CMTM7: variants seen among roughly 807,000 people sequenced by gnomAD.
CMTM7 encodes the protein CKLF-like MARVEL transmembrane domain-containing protein 7.
CMTM7 carries 7 observed loss-of-function variants against 19.3 expected under a neutral mutation model. The ratio of observed to expected loss-of-function variants is 0.36; its 90% CI spans 0.21 to 0.68. The LOEUF (loss-of-function observed/expected upper bound fraction) is 0.68. Ranked by LOEUF, CMTM7 falls within the 30% of genes least tolerant of loss-of-function variation. CMTM7 has a pLI of 0.60. For missense variants in CMTM7, 193 were observed against 232.6 expected, an observed-to-expected ratio of 0.83 and a Z score of 1.11; for synonymous variants, 87 against 99.3, an observed-to-expected ratio of 0.88 and a Z score of 0.74.
At chr3:32,412,132 C>T (rs544179930) in intron 1 of CMTM7, among the ~76,000 whole-genome samples, 3 of 152,234 alleles carry the variant, frequency 2.0e-5, no homozygotes, top group Admixed American at 1.3e-4. Flanking sequence ...CTAACTGTCT[C>T]GTAGAAGCTG....
intron 1 of CMTM7, among the ~76,000 whole-genome samples, chr3:32,393,892 C>T (rs547886259): frequency 2.4e-4 from 36 of 152,204 alleles, no homozygotes; most frequent in African/African-American, 8.2e-4. Context: ...TCATCTTAAG[C>T]TCCTCAGCTA....
At chr3:32,451,042 G>A (rs1395059835) in intron 3 of CMTM7, 1 of 152,192 alleles carries the variant, frequency 6.6e-6, no homozygotes, top group Non-Finnish European at 1.5e-5. Context: ...GTTCAATTAT[G>A]CAGTGCAGAC....
intron 1 of CMTM7, among the ~76,000 whole-genome samples, chr3:32,413,178 G>A (rs935695937): frequency 1.3e-5 from 2 of 152,154 alleles, no homozygotes; most frequent in Non-Finnish European, 2.9e-5. Context: ...TGTGTGGCCC[G>A]CAAAGCCTAA....
chr3:32,395,608 C>G (rs1695904264), intron 1 of CMTM7, among the ~76,000 whole-genome samples: 1 of 152,124 alleles, frequency 6.6e-6, no homozygotes, highest in Non-Finnish European at 1.5e-5. Flanking sequence ...ACTTCACACC[C>G]ACGGAGATGA....
chr3:32,437,266 T>A (rs574797129), intron 1 of CMTM7, among the ~76,000 whole-genome samples: 1 of 152,266 alleles, frequency 6.6e-6, no homozygotes, highest in South Asian at 2.1e-4. Flanking sequence ...GTGGGACCCT[T>A]GCTTTGAGTT....
intron 1 of CMTM7, among the ~76,000 whole-genome samples, chr3:32,414,738 A>G (rs763908292): frequency 4.6e-5 from 7 of 152,194 alleles, no homozygotes; most frequent in Non-Finnish European, 1.5e-5. Flanking sequence ...TGCTGCAGGG[A>G]CCCAGTGAGA....
At chr3:32,395,268 G>T (rs1445115313) in intron 1 of CMTM7, among the ~76,000 whole-genome samples, 1 of 152,124 alleles carries the variant, frequency 6.6e-6, no homozygotes, top group South Asian at 2.1e-4. Flanking sequence ...GCCTCCCCAA[G>T]TGCTGGGATT....
chr3:32,405,934 G>A (rs988189008), intron 1 of CMTM7, among the ~76,000 whole-genome samples: 51 of 152,266 alleles, frequency 3.3e-4, no homozygotes, highest in Middle Eastern at 3.4e-3. Flanking sequence ...AATAGATAAC[G>A]TTTACACGAT....
At chr3:32,440,635 A>C (rs933382215) in intron 1 of CMTM7, among the ~76,000 whole-genome samples, 1 of 152,170 alleles carries the variant, frequency 6.6e-6, no homozygotes, top group East Asian at 1.9e-4. Flanking sequence ...AAAATTAGCC[A>C]GGCATGATGG....
chr3:32,395,599 C>G (rs1189773073), intron 1 of CMTM7, among the ~76,000 whole-genome samples: 1 of 152,156 alleles, frequency 6.6e-6, no homozygotes, highest in Non-Finnish European at 1.5e-5. Context: ...TGAGATAACA[C>G]TTCACACCCA....
intron 2 of CMTM7, among the ~76,000 whole-genome samples, chr3:32,447,485 C>CTT (rs1696768760): frequency 1.3e-5 from 2 of 152,058 alleles, no homozygotes; most frequent in African/African-American, 4.8e-5. Flanking sequence ...CCTTGTTGAC[C>CTT]TTCTACCTGG....
At chr3:32,438,059 ATC>A (rs1271565078) in intron 1 of CMTM7, among the ~76,000 whole-genome samples, 2 of 152,312 alleles carry the variant, frequency 1.3e-5, no homozygotes, top group African/African-American at 4.8e-5. Flanking sequence ...ACACAGAAAC[ATC>A]TGTCTTCCAG....
At chr3:32,429,905 T>C (rs986765923) in intron 1 of CMTM7, among the ~76,000 whole-genome samples, 4 of 152,174 alleles carry the variant, frequency 2.6e-5, no homozygotes, top group Non-Finnish European at 5.9e-5. Flanking sequence ...AGCCGAGCAG[T>C]GTATTTTTAA....
chr3:32,423,217 C>G (rs889838265), intron 1 of CMTM7, among the ~76,000 whole-genome samples: 1 of 152,112 alleles, frequency 6.6e-6, no homozygotes, highest in Non-Finnish European at 1.5e-5. Context: ...AGGCTAGTAG[C>G]TCGAGTAGAG....
intron 1 of CMTM7, among the ~76,000 whole-genome samples, chr3:32,426,163 A>G (rs564092603): frequency 1.3e-4 from 20 of 152,260 alleles, no homozygotes; most frequent in Admixed American, 1.2e-3. Flanking sequence ...ACAAAAAAAC[A>G]AAACAAAAAC....
rs1695842175 is a variant in CMTM7 at position 32,392,011 on chromosome 3, G to A, written c.105G>A (p.Leu35=). The change falls in exon 1 of 5, where the codon CTG becomes CTA. Residue 35 remains leucine (L), a synonymous_variant. Transcript: ENST00000334983. ...AQPSASPLEG[L]LDLSYPRTHA... ...CCAGCGCGAGCCCCTTGGAGGGGCTGCTGGACCTCAGCTACCCCCGCACCC... is the reference window on the plus strand; with the variant it reads ...CCAGCGCGAGCCCCTTGGAGGGGCTACTGGACCTCAGCTACCCCCGCACCC... 7.3e-6 allele frequency: 9 copies of A among 1,234,772 alleles called. No homozygotes were observed. Among genetic ancestry groups the A allele is most frequent in the Non-Finnish European group, 9.1e-6 (9 of 987,086 alleles). 76.5% of individuals were successfully genotyped at this position (1,234,772 alleles called of 1,614,324 possible).
chr3:32,452,843 C>T (rs1391315340), intron 4 of CMTM7, among the ~76,000 whole-genome samples: 3 of 150,856 alleles, frequency 2.0e-5, no homozygotes, highest in African/African-American at 4.9e-5. Flanking sequence ...CTCCGCCTCC[C>T]AGGCTCAAGT....
chr3:32,404,059 G>A (rs1696050422), intron 1 of CMTM7, among the ~76,000 whole-genome samples: 1 of 151,980 alleles, frequency 6.6e-6, no homozygotes, highest in African/African-American at 2.4e-5. Flanking sequence ...GGAAGAGAGA[G>A]AGGATCTAAA....
rs531242905 is a variant in CMTM7, at chr3:32,426,182, G to T, written c.160-15658G>T. Among the ~76,000 whole-genome samples the T allele has an allele frequency of 7.2e-5, 11 of 152,134 alleles. No homozygotes were observed. The East Asian group carries it at 1.4e-3, about 19-fold the overall frequency. ...AAAAACAAAACAAAAACTGGGATTT[G>T]CCTGAGCAAACTAGAATATCTGCTC... On this transcript the variant is annotated intron_variant, in intron 1 of 4. Coordinates refer to ENST00000334983, the MANE Select transcript of CMTM7 (RefSeq NM_138410.4).
Sources: allele counts gnomAD v4.1 joint callset (sites outside exome capture counted in the v4.1 genomes callset), GRCh38; gene constraint gnomAD v4.1.1; transcripts MANE v1.5; gene names NCBI Gene and HGNC (gene_info 2026-07-23, HGNC 2026-07-21).